RGS19: variants seen among roughly 807,000 people sequenced by gnomAD.
RGS19 encodes the protein G alpha interacting protein.
In RGS19, 9 loss-of-function variants were observed where a neutral mutation model predicts 22.0. That is an observed-to-expected ratio of 0.41 (90% confidence interval 0.25 to 0.71). RGS19 has a LOEUF of 0.71. Ranked by LOEUF, RGS19 falls within the 30% of genes least tolerant of loss-of-function variation. RGS19 has a pLI of 0.32. For missense variants in RGS19, 256 were observed against 307.1 expected (o/e 0.83, Z 1.24); for synonymous variants, 130 against 127.3 (o/e 1.02, Z -0.14).
Position 64,073,822 on chromosome 20 carries a change from A to AGGCGGCGGGGTCTGTGCTGCTGGG in RGS19, c.*7_*30dup. On this transcript the variant is annotated 3_prime_UTR_variant, in exon 6 of 6. Transcript: ENST00000395042. Reference sequence around the variant, plus strand: ...AAGGGAACCCAGAGTCGGCCGTAGGAGGCGGCGGGGTCTGTGCTGCTGGGG... The same window carrying AGGCGGCGGGGTCTGTGCTGCTGGG: ...AAGGGAACCCAGAGTCGGCCGTAGGAGGCGGCGGGGTCTGTGCTGCTGGGGGCGGCGGGGTCTGTGCTGCTGGGG... 1.9e-6 allele frequency: 3 copies of AGGCGGCGGGGTCTGTGCTGCTGGG among 1,563,088 alleles called. No individual in the cohort carries two copies. Among genetic ancestry groups the AGGCGGCGGGGTCTGTGCTGCTGGG allele is most frequent in the Admixed American group, 3.5e-5 (2 of 56,346 alleles).
At chr20:64,078,535 T>A (rs183443184) in intron 1 of RGS19, among the ~76,000 whole-genome samples, 2 of 152,200 alleles carry the variant, frequency 1.3e-5, no homozygotes, top group East Asian at 3.9e-4. Context: ...TGGGCTACCA[T>A]CTCCACCCCA....
Position 64,074,389 on chromosome 20 carries a change from G to A in RGS19, c.228-11C>T, listed in dbSNP as rs571702547. The A allele has an allele frequency of 3.3e-5, 53 of 1,598,996 alleles. No homozygotes were observed. The South Asian group carries it at 4.1e-4, about 12-fold the overall frequency. On this transcript the variant is annotated splice_polypyrimidine_tract_variant and intron_variant, in intron 4 of 5. Transcript: ENST00000395042. ...GGACTTGGCGTGGCACTGTGGGCAC[G>A]GGGGCCAGGCTATGTCAGGCCCGAG...
At chr20:64,079,804 AGCACGGTCCCCGGGCCCGG>A (rs2059945778), upstream of RGS19, 1 of 150,564 alleles carries the variant, frequency 6.6e-6, no homozygotes, top group South Asian at 2.1e-4. The surrounding 1 kb of genome is among the most constrained non-coding windows in gnomAD (Gnocchi z 5.1). Context: ...GCTCCCGCCC[AGCACGGTCCCCGGGCCCGG>A]GCCGGGAGGG....
At chr20:64,076,002 C>A (rs536085755) in intron 3 of RGS19, among the ~76,000 whole-genome samples, 1 of 152,200 alleles carries the variant, frequency 6.6e-6, no homozygotes, top group South Asian at 2.1e-4. Context: ...CTGCCTCAGC[C>A]TCCCGAGTAG....
rs115546297 is a variant in RGS19, at chr20:64,075,394, T to C, written c.153-853A>G. 0.014 allele frequency among the ~76,000 whole-genome samples: 2,088 copies of C among 152,302 alleles called. 57 individuals are homozygous for C. Among genetic ancestry groups the C allele is most frequent in the African/African-American group, 0.044 (1,832 of 41,566 alleles). ...TTGGCTCCTAGCATCCTGTCAGTGC[T>C]GGACCCAAATCCATACCCGGCTGAC... On this transcript the variant is annotated intron_variant, in intron 3 of 5. Coordinates refer to ENST00000395042, the MANE Select transcript of RGS19 (RefSeq NM_005873.3). This position sits in a 1 kb window ranked among gnomAD's most constrained non-coding sequence, Gnocchi z 4.6.
In RGS19 at chr20:64,074,042, C is replaced by T; in HGVS notation, c.465G>A (p.Val155=). The stretch of plus-strand genomic sequence containing the variant: ...CCTCCCGCACACGGGAGTCCAGGCT[C>T]ACCTGCAGGACAAGACACTGAGGTC... ...DYVSILSPKE[V]SLDSRVREGI... is the part of the protein sequence containing the mutation. Residue 155 remains valine (V), a splice_region_variant and synonymous_variant, in exon 6 of 6, where the codon GTG becomes GTA. Coordinates refer to ENST00000395042, the MANE Select transcript of RGS19 (RefSeq NM_005873.3). 6.2e-7 allele frequency: 1 copy of T among 1,611,262 alleles called. No individual in the cohort carries two copies. Among genetic ancestry groups the T allele is most frequent in the Non-Finnish European group, 8.5e-7 (1 of 1,178,150 alleles).
At chr20:64,077,722 G>C (rs779693153) in intron 1 of RGS19, among the ~76,000 whole-genome samples, 1 of 152,168 alleles carries the variant, frequency 6.6e-6, no homozygotes, top group African/African-American at 2.4e-5. Context: ...TCGAAGCCTC[G>C]GAGTCCCTGA....
chr20:64,077,233 A>G (rs2059912815), intron 1 of RGS19, among the ~76,000 whole-genome samples: 1 of 151,474 alleles, frequency 6.6e-6, no homozygotes, highest in Non-Finnish European at 1.5e-5. Flanking sequence ...CCATCCGCTC[A>G]CTCCCTGGGA....
chr20:64,074,493 C>T lies in RGS19; in HGVS notation c.201G>A (p.Leu67=). Reference sequence around the variant, plus strand: ...ATACTTCACAGCTGGGGAGGGGCTGCAGCTTGCTCTCCCGGGAGGCCTGCC... The same window carrying T: ...ATACTTCACAGCTGGGGAGGGGCTGTAGCTTGCTCTCCCGGGAGGCCTGCC... The part of the protein sequence containing the change: ...RAWQASRESK[L]QPLPSCEVCA... Residue 67 remains leucine (L), a synonymous_variant, in exon 4 of 6, where the codon CTG becomes CTA. Coordinates refer to ENST00000395042, the MANE Select transcript of RGS19 (RefSeq NM_005873.3). The T allele has an allele frequency of 1.9e-6, 3 of 1,583,570 alleles. No individual in the cohort carries two copies. Among genetic ancestry groups the T allele is most frequent in the Middle Eastern group, 1.7e-4 (1 of 6,018 alleles).
chr20:64,076,493 C>G, intron 3 of RGS19, 32 bp downstream of exon 3: 1 of 1,611,514 alleles, frequency 6.2e-7, no homozygotes, highest in Non-Finnish European at 8.5e-7. Context: ...CCTCGACCCC[C>G]TCGCCAGCTG....
chr20:64,074,752 A>G (rs4408777), intron 3 of RGS19, among the ~76,000 whole-genome samples: 65,634 of 151,930 alleles, frequency 0.43, 14,770 homozygotes, highest in East Asian at 0.67. Flanking sequence ...CAAATTCCCC[A>G]CAGAATCTGC....
intron 1 of RGS19, among the ~76,000 whole-genome samples, chr20:64,078,324 G>GC (rs2059925683): frequency 6.6e-6 from 1 of 152,258 alleles, no homozygotes; most frequent in Admixed American, 6.5e-5. Flanking sequence ...GCAAGTAGAT[G>GC]AGGAGACCGA....
chr20:64,077,344 G>A (rs1179792099), intron 1 of RGS19, among the ~76,000 whole-genome samples: 1 of 152,170 alleles, frequency 6.6e-6, no homozygotes, highest in Non-Finnish European at 1.5e-5. Context: ...GCGGGTGGTG[G>A]CCAGACTGGC....
intron 1 of RGS19, among the ~76,000 whole-genome samples, chr20:64,077,730 T>C (rs1054890096): frequency 6.6e-6 from 1 of 152,152 alleles, no homozygotes; most frequent in Non-Finnish European, 1.5e-5. Context: ...TCGGAGTCCC[T>C]GAGGGGGGTG....
rs902360613 is a variant in RGS19, at chr20:64,073,550, A to AC, written c.*302dup. On this transcript the variant is annotated 3_prime_UTR_variant, in exon 6 of 6. Transcript: ENST00000395042. ...TGGGTCCAGCATGGCTCCTGGGGGGACCCCTACTCTCACCACGCAAGAGCC... is the reference window on the plus strand; with the variant it reads ...TGGGTCCAGCATGGCTCCTGGGGGGACCCCCTACTCTCACCACGCAAGAGCC... 1 of 330,384 alleles carries AC rather than the reference A, an allele frequency of 3.0e-6. No individual in the cohort carries two copies. 20.5% of individuals were successfully genotyped at this position (330,384 alleles called of 1,614,324 possible). A position where few individuals can be genotyped will look rare whatever the true frequency, so the allele number is the denominator to read the frequency against.
upstream of RGS19, chr20:64,079,593 C>T (rs1244686121): frequency 6.6e-6 from 1 of 151,576 alleles, no homozygotes; most frequent in Admixed American, 6.5e-5. The surrounding 1 kb of genome is among the most constrained non-coding windows in gnomAD (Gnocchi z 5.1). Flanking sequence ...GGGAGGGAGA[C>T]GCGGAAACCT....
intron 4 of RGS19, 34 bp downstream of exon 4, chr20:64,074,433 C>G: frequency 6.3e-7 from 1 of 1,574,908 alleles, no homozygotes; most frequent in Non-Finnish European, 8.6e-7. Flanking sequence ...TCTGGGGCCC[C>G]CCCAGCACGC....
At position 64,077,218 on chromosome 20, in the gene RGS19, C is replaced by T. The variant is rs557397458; in HGVS notation, c.-68-264G>A. 4.6e-5 allele frequency among the ~76,000 whole-genome samples: 7 copies of T among 152,226 alleles called. No homozygotes were observed. In the East Asian group the frequency reaches 1.2e-3, roughly 25 times the overall value. On this transcript the variant is annotated intron_variant, in intron 1 of 5. Coordinates refer to ENST00000395042, the MANE Select transcript of RGS19 (RefSeq NM_005873.3). Reference sequence around the variant, plus strand: ...GAGGCCCCCACTGGAGGTTCCGAGACACCCCCATCCGCTCACTCCCTGGGA... The same window carrying T: ...GAGGCCCCCACTGGAGGTTCCGAGATACCCCCATCCGCTCACTCCCTGGGA...
rs562910013 is a variant in RGS19 at position 64,075,062 on chromosome 20, G to T, written c.153-521C>A. Among the ~76,000 whole-genome samples the T allele has an allele frequency of 2.6e-5, 4 of 152,316 alleles. No individual in the cohort carries two copies. The South Asian group carries it at 8.3e-4, about 32-fold the overall frequency. ...TGGGAGATCCCTGAACACCTGGGAGGCCAGAAGGGTCATGTGCCTGGGAAC... is the reference window on the plus strand; with the variant it reads ...TGGGAGATCCCTGAACACCTGGGAGTCCAGAAGGGTCATGTGCCTGGGAAC... On this transcript the variant is annotated intron_variant, in intron 3 of 5. Transcript: ENST00000395042. This position sits in a 1 kb window ranked among gnomAD's most constrained non-coding sequence, Gnocchi z 4.6.
Sources: allele counts gnomAD v4.1 joint callset (sites outside exome capture counted in the v4.1 genomes callset), GRCh38; gene constraint gnomAD v4.1.1; non-coding constraint Gnocchi (gnomAD v3.1); transcripts MANE v1.5; gene names NCBI Gene and HGNC (gene_info 2026-07-23, HGNC 2026-07-21).